Variants in TDRD9 observed in about 807,000 individuals in gnomAD.
TDRD9 encodes ATP-dependent RNA helicase TDRD9.
Under a neutral mutation model 172.6 loss-of-function variants are expected in TDRD9, and 124 were observed. The ratio of observed to expected loss-of-function variants is 0.72; its 90% confidence interval spans 0.62 to 0.83. The LOEUF (loss-of-function observed/expected upper bound fraction) is 0.83, where lower values mean the gene tolerates loss of function less well. TDRD9 is among the 40% of genes least tolerant of loss of function. The pLI is 0.00. For synonymous variants in TDRD9, 619 were observed against 617.1 expected, an observed-to-expected ratio of 1.00 and a Z score of -0.05; for missense variants, 1,479 against 1,714.1, an observed-to-expected ratio of 0.86 and a Z score of 2.42.
chr14:104,051,217 G>T (rs1596040707), intron 35 of TDRD9, among the ~76,000 whole-genome samples: 1 of 152,242 alleles, frequency 6.6e-6, no homozygotes, highest in South Asian at 2.1e-4. Flanking sequence ...GCAGTATTTG[G>T]TTTTCTGTTC....
In TDRD9 at chr14:104,039,954, TTAA is replaced by T. The variant is rs1330757938; in HGVS notation, c.3717-238_3717-236del. Reference sequence around the variant, plus strand: ...TTATCTTATCTACCACATTAGAAACTTAATAAAGTATTAATACAAATTATTAAG... The same window carrying T: ...TTATCTTATCTACCACATTAGAAACTTAAAGTATTAATACAAATTATTAAG... On this transcript the variant is annotated intron_variant, in intron 32 of 35. Transcript: ENST00000409874. 9.2e-5 allele frequency among the ~76,000 whole-genome samples: 14 copies of T among 152,282 alleles called. No individual in the cohort carries two copies. The East Asian group carries it at 2.3e-3, about 25-fold the overall frequency.
chr14:103,940,572 T>TA (rs1377112150), intron 1 of TDRD9: 2 of 405,352 alleles, frequency 4.9e-6, no homozygotes, highest in Non-Finnish European at 8.8e-6. Flanking sequence ...TATAAGAAAA[T>TA]ACTGCAAACA....
chr14:103,961,292 A>T (rs1045765657), intron 2 of TDRD9, among the ~76,000 whole-genome samples: 5 of 152,220 alleles, frequency 3.3e-5, no homozygotes, highest in African/African-American at 7.2e-5. Flanking sequence ...AAGATTAAAA[A>T]GCCATAGGTC....
rs773458671 is a variant in TDRD9, at chr14:104,006,424, T to C, written c.1749T>C (p.Asp583=). The C allele has an allele frequency of 9.9e-6, 16 of 1,613,796 alleles. No individual in the cohort carries two copies. The Admixed American group carries it at 1.0e-4, about 10-fold the overall frequency. ...TTGCAGTGAGTGGGCAGAGAGAAGA[T>C]GAAAACCCCCATGATGGTGAATTGA... ...GALAVSGQRE[D]ENPHDGELTF... is the part of the protein sequence containing the mutation. The change falls in exon 16 of 36, where the codon GAT becomes GAC. Residue 583 remains aspartate, a synonymous_variant. Transcript: ENST00000409874.
Position 103,938,430 on chromosome 14 carries a change from A to ATTTT in TDRD9, c.215+9707_215+9708insTTTT, listed in dbSNP as rs1566723244. Among the ~76,000 whole-genome samples the ATTTT allele has an allele frequency of 2.3e-4, 9 of 39,904 alleles. 1 individual carries two copies. The highest frequency in any genetic ancestry group is 9.7e-4 in the African/African-American group (9 of 9,280). The allele number at this position is 39,904 out of a possible 152,430, so 26.2% of individuals were successfully genotyped here. The stretch of plus-strand genomic sequence containing the variant: ...TGTGTGTGTGTATATATATATATAT[A>ATTTT]TATATATATATTTTTTTTTTTTTTT... On this transcript the variant is annotated intron_variant, in intron 1 of 35. Coordinates refer to ENST00000409874, the MANE Select transcript of TDRD9 (RefSeq NM_153046.3).
At chr14:103,962,196 T>G (rs527778262) in intron 2 of TDRD9, among the ~76,000 whole-genome samples, 1 of 152,332 alleles carries the variant, frequency 6.6e-6, no homozygotes, top group South Asian at 2.1e-4. Context: ...CCTGCTTTCC[T>G]GATACCTGTA....
rs923495996 is a variant in TDRD9, at chr14:103,930,233, C to T, written c.215+1509C>T. On this transcript the variant is annotated intron_variant, in intron 1 of 35. Coordinates refer to ENST00000409874, the MANE Select transcript of TDRD9 (RefSeq NM_153046.3). ...CATAGTTTCGCTCTTGTTGCCCAGGCTGGAGTGCAGTGGCGCAATGTTGGC... is the reference window on the plus strand; with the variant it reads ...CATAGTTTCGCTCTTGTTGCCCAGGTTGGAGTGCAGTGGCGCAATGTTGGC... 2.6e-5 allele frequency among the ~76,000 whole-genome samples: 4 copies of T among 151,874 alleles called. No homozygotes were observed. The East Asian group carries it at 5.8e-4, about 22-fold the overall frequency.
chr14:104,042,352 C>T (rs1389402599), intron 34 of TDRD9, among the ~76,000 whole-genome samples, 165 bp downstream of exon 34: 1 of 152,162 alleles, frequency 6.6e-6, no homozygotes, highest in Non-Finnish European at 1.5e-5. Flanking sequence ...TAGGCACGCC[C>T]TTCCTGTGGA....
In TDRD9 at chr14:104,025,787, C is replaced by T; in HGVS notation, c.2931+11C>T. The T allele has an allele frequency of 6.3e-7, 1 of 1,598,536 alleles. No individual in the cohort carries two copies. The highest frequency in any genetic ancestry group is 2.2e-5 in the East Asian group (1 of 44,808). On this transcript the variant is annotated intron_variant, in intron 26 of 35. Coordinates refer to ENST00000409874, the MANE Select transcript of TDRD9 (RefSeq NM_153046.3). The stretch of plus-strand genomic sequence containing the variant: ...GGAAATTCTGCTGAGGTAGGTTTTT[C>T]TGTAACAAGTCACTGGAAGGGAAAT...
At chr14:103,949,790 C>G (rs1344249289) in intron 1 of TDRD9, among the ~76,000 whole-genome samples, 3 of 152,128 alleles carry the variant, frequency 2.0e-5, no homozygotes, top group Non-Finnish European at 4.4e-5. Flanking sequence ...AGTGATTCTC[C>G]TGCCTCAGCC....
chr14:104,031,965 G>A, intron 29 of TDRD9, 52 bp from the exon 30 acceptor site: 1 of 1,211,682 alleles, frequency 8.3e-7, no homozygotes, highest in Non-Finnish European at 1.1e-6. Flanking sequence ...AAAAATTCAT[G>A]TTAAGTGTTA....
chr14:103,998,677 CA>C lies in TDRD9; in HGVS notation c.1433del (p.Gln478ArgfsTer5). On this transcript the variant is annotated frameshift_variant, in exon 13 of 36. Transcript: ENST00000409874. LOFTEE classifies it high-confidence loss of function. ...GGTCTGTGATGAAGATACAAATTAT[CA>C]GAGTCTGCGATTGAGTTGGGCTTCT... is the stretch of plus-strand genomic sequence containing the variant. Reference protein sequence around the residue: ...TLVCDEDTNYQSLRLSWASKT... With the variant: ...TLVCDEDTNYXSLRLSWASKT... 1 of 1,611,548 alleles carries C rather than the reference CA, an allele frequency of 6.2e-7. No individual in the cohort carries two copies. Among genetic ancestry groups the C allele is most frequent in the Non-Finnish European group, 8.5e-7 (1 of 1,177,842 alleles).
intron 6 of TDRD9, among the ~76,000 whole-genome samples, chr14:103,974,456 G>A (rs542532738): frequency 4.6e-5 from 7 of 152,058 alleles, no homozygotes; most frequent in Non-Finnish European, 1.0e-4. Context: ...GACAAAACTG[G>A]AAGCTGCAGT....
chr14:104,047,059 G>A (rs542863866), intron 34 of TDRD9, among the ~76,000 whole-genome samples: 1 of 152,196 alleles, frequency 6.6e-6, no homozygotes, highest in Admixed American at 6.5e-5. Context: ...GGTAGGGATT[G>A]TGTGGAACCT....
At chr14:104,037,232 A>C (rs2035477646) in intron 32 of TDRD9, among the ~76,000 whole-genome samples, 1 of 151,698 alleles carries the variant, frequency 6.6e-6, no homozygotes, top group Non-Finnish European at 1.5e-5. Context: ...TCCGGAGGGG[A>C]GCTGTCCTCC....
chr14:103,980,453 T>C lies in TDRD9; in HGVS notation c.1011+4900T>C, dbSNP rs773154305. On this transcript the variant is annotated intron_variant, in intron 7 of 35. Transcript: ENST00000409874. The surrounding 1 kb of genome is among the most constrained non-coding windows in gnomAD (Gnocchi z 4.5). ...AGGGAGAGACAGCTTATGCTATTAT[T>C]TCTGCTTATCAGAGACTTTTAGTAC... is the stretch of plus-strand genomic sequence containing the variant. Among the ~76,000 whole-genome samples the C allele has an allele frequency of 6.6e-5, 10 of 152,132 alleles. No individual in the cohort carries two copies. The highest frequency in any genetic ancestry group is 1.3e-4 in the Non-Finnish European group (9 of 68,016).
chr14:103,949,912 G>A (rs2031771245), intron 1 of TDRD9, among the ~76,000 whole-genome samples: 1 of 152,048 alleles, frequency 6.6e-6, no homozygotes, highest in South Asian at 2.1e-4. Flanking sequence ...CCGACCTCAG[G>A]TGATCCGCCC....
At chr14:103,930,636 A>AG (rs1429001007) in intron 1 of TDRD9, among the ~76,000 whole-genome samples, 1 of 152,106 alleles carries the variant, frequency 6.6e-6, no homozygotes, top group East Asian at 1.9e-4. Flanking sequence ...TTAGAGGCAT[A>AG]GGGGGGACCG....
rs1419126025 is a variant in TDRD9 at position 104,040,428 on chromosome 14, G to T, written c.3855+94G>T. 2.3e-6 allele frequency: 3 copies of T among 1,287,850 alleles called. No individual in the cohort carries two copies. In the African/African-American group the frequency reaches 4.5e-5, roughly 19 times the overall value. The allele number at this position is 1,287,850 out of a possible 1,614,324, so 79.8% of individuals were successfully genotyped here. A position where few individuals can be genotyped will look rare whatever the true frequency, so the allele number is the denominator to read the frequency against. On this transcript the variant is annotated intron_variant, in intron 33 of 35. Coordinates refer to ENST00000409874, the MANE Select transcript of TDRD9 (RefSeq NM_153046.3). ...TGCAGGGTCTGCTGTGGAGCTCGCG[G>T]TGCAGACACACACCTCTGGTCCTGG...
Sources: allele counts gnomAD v4.1 joint callset (sites outside exome capture counted in the v4.1 genomes callset), GRCh38; gene constraint gnomAD v4.1.1; non-coding constraint Gnocchi (gnomAD v3.1); transcripts MANE v1.5; gene names NCBI Gene and HGNC (gene_info 2026-07-23, HGNC 2026-07-21).